DDAH1: variants seen among roughly 807,000 people sequenced by gnomAD.
The protein encoded by DDAH1 is N(G),N(G)-dimethylarginine dimethylaminohydrolase 1.
DDAH1 carries 19 observed loss-of-function variants against 28.8 expected under a neutral mutation model. The ratio of observed to expected loss-of-function variants is 0.66; its 90% CI spans 0.46 to 0.97. The LOEUF (loss-of-function observed/expected upper bound fraction) is 0.97, where lower values mean the gene tolerates loss of function less well. Ranked by LOEUF, DDAH1 falls within the 50% of genes least tolerant of loss-of-function variation. The pLI is 0.00. For synonymous variants in DDAH1, 153 were observed against 154.4 expected, an observed-to-expected ratio of 0.99 and a Z score of 0.07; for missense variants, 326 against 375.9, an observed-to-expected ratio of 0.87 and a Z score of 1.10.
chr1:85,420,401 T>A (rs1037934487), intron 1 of DDAH1, among the ~76,000 whole-genome samples: 1 of 152,204 alleles, frequency 6.6e-6, no homozygotes, highest in Non-Finnish European at 1.5e-5. Flanking sequence ...AAGTCATTTA[T>A]TTGCTCCTGC....
At chr1:85,452,838 CCAA>C (rs541356902) in intron 1 of DDAH1, among the ~76,000 whole-genome samples, 4 of 152,158 alleles carry the variant, frequency 2.6e-5, no homozygotes, top group Non-Finnish European at 4.4e-5. Context: ...TTAAAGCAAA[CCAA>C]CAACAACAAA....
chr1:85,565,197 G>A lies in DDAH1; in HGVS notation c.-123+12787C>T, dbSNP rs571245113. On this transcript the variant is annotated intron_variant, in intron 1 of 6. Transcript: ENST00000426972. ...AGCCTAGGCAATGGAACGAGACTCCGTTAAAAAAAAAATGCATAAAGAAGA... is the reference window on the plus strand; with the variant it reads ...AGCCTAGGCAATGGAACGAGACTCCATTAAAAAAAAAATGCATAAAGAAGA... Among the ~76,000 whole-genome samples, 9 of 129,950 alleles carry A rather than the reference G, an allele frequency of 6.9e-5. No homozygotes were observed. The South Asian group carries it at 2.0e-3, about 29-fold the overall frequency. 85.3% of individuals were successfully genotyped at this position (129,950 alleles called of 152,430 possible).
At chr1:85,359,969 C>T (rs1052501920) in intron 1 of DDAH1, among the ~76,000 whole-genome samples, 1 of 152,130 alleles carries the variant, frequency 6.6e-6, no homozygotes, top group Non-Finnish European at 1.5e-5. Context: ...CAAAGGTCTG[C>T]AAAACCTTTA....
chr1:85,444,397 G>A (rs779930710), intron 1 of DDAH1, among the ~76,000 whole-genome samples: 3 of 152,144 alleles, frequency 2.0e-5, no homozygotes, highest in Non-Finnish European at 4.4e-5. Flanking sequence ...CTTTTTTGAT[G>A]TGCTGCTGGA....
In DDAH1 at chr1:85,350,496, C is replaced by T. The variant is rs1409276967; in HGVS notation, c.516G>A (p.Leu172=). The change falls in exon 4 of 6, where the codon TTG becomes TTA. Residue 172 remains leucine (L), a synonymous_variant. Coordinates refer to ENST00000284031, the MANE Select transcript of DDAH1 (RefSeq NM_012137.4). The stretch of plus-strand genomic sequence containing the variant: ...CCATGCTGCAGAAACTCTTCAAATG[C>T]AACCCATCTGCCACTGGCACTGTGG... The part of the protein sequence containing the change: ...AVSTVPVADG[L]HLKSFCSMAG... 1 of 1,614,154 alleles carries T rather than the reference C, an allele frequency of 6.2e-7. No individual in the cohort carries two copies. Among genetic ancestry groups the T allele is most frequent in the Non-Finnish European group, 8.5e-7 (1 of 1,180,000 alleles).
chr1:85,366,652 ATGAGTAAAGTAT>A (rs1650091050), intron 1 of DDAH1, among the ~76,000 whole-genome samples: 1 of 152,136 alleles, frequency 6.6e-6, no homozygotes, highest in East Asian at 1.9e-4. Flanking sequence ...ATGGTTACTC[ATGAGTAAAGTAT>A]TCTGGTGTTT....
intron 1 of DDAH1, among the ~76,000 whole-genome samples, chr1:85,397,058 T>TC (rs1651850758): frequency 6.6e-6 from 1 of 150,818 alleles, no homozygotes. Flanking sequence ...AAAAGGTTTT[T>TC]CAAAATTGCA....
At chr1:85,475,086 GGGAGCCCTTTGTTCAAA>G (rs1360659067) in intron 2 of DDAH1, among the ~76,000 whole-genome samples, 6 of 152,154 alleles carry the variant, frequency 3.9e-5, no homozygotes, top group Non-Finnish European at 7.3e-5. Flanking sequence ...CTTCTGCTGA[GGGAGCCCTTTGTTCAAA>G]GGAGCCCTTT....
intron 1 of DDAH1, among the ~76,000 whole-genome samples, chr1:85,567,045 T>A (rs779268812): frequency 6.6e-6 from 1 of 152,178 alleles, no homozygotes; most frequent in Non-Finnish European, 1.5e-5. Context: ...AAGAATTACC[T>A]CATACAGAAG....
chr1:85,537,107 G>T (rs1203543573), intron 1 of DDAH1, among the ~76,000 whole-genome samples: 3 of 151,560 alleles, frequency 2.0e-5, no homozygotes, highest in Non-Finnish European at 4.4e-5. Context: ...TTGGGAGGCT[G>T]AGGTGGGCAT....
At chr1:85,574,407 C>CT (rs1659540207) in intron 1 of DDAH1, among the ~76,000 whole-genome samples, 1 of 152,234 alleles carries the variant, frequency 6.6e-6, no homozygotes, top group Non-Finnish European at 1.5e-5. Context: ...ACTGACATCT[C>CT]TTGCCAGTTT....
chr1:85,570,406 AC>A (rs1659420012), intron 1 of DDAH1, among the ~76,000 whole-genome samples: 1 of 139,060 alleles, frequency 7.2e-6, no homozygotes, highest in Admixed American at 7.3e-5. Flanking sequence ...ATCTCAGTGC[AC>A]TTATCTAACA....
intron 1 of DDAH1, among the ~76,000 whole-genome samples, chr1:85,442,343 A>G (rs902260796): frequency 1.3e-5 from 2 of 152,074 alleles, no homozygotes; most frequent in Non-Finnish European, 2.9e-5. Context: ...CCATGTCCCT[A>G]CAAAGGACAT....
intron 4 of DDAH1, among the ~76,000 whole-genome samples, chr1:85,328,563 C>T (rs1029210155): frequency 6.6e-6 from 1 of 152,200 alleles, no homozygotes; most frequent in East Asian, 1.9e-4. Context: ...GATGGCCAGT[C>T]TGCTCATGTT....
At chr1:85,465,683 C>T (rs1047497550), upstream of DDAH1, among the ~76,000 whole-genome samples, 34 of 151,984 alleles carry the variant, frequency 2.2e-4, no homozygotes, top group African/African-American at 7.5e-4. Flanking sequence ...TGTGTGTTCG[C>T]GTGTGTGTGT....
At chr1:85,379,738 C>A in intron 1 of DDAH1, 1 of 981,452 alleles carries the variant, frequency 1.0e-6, no homozygotes, top group Non-Finnish European at 1.2e-6. Context: ...TGCTGGCATC[C>A]TTACTTTCCA....
At chr1:85,481,817 C>A (rs1218492635) in intron 2 of DDAH1, among the ~76,000 whole-genome samples, 2 of 152,218 alleles carry the variant, frequency 1.3e-5, no homozygotes, top group East Asian at 3.8e-4. Flanking sequence ...ACACCTTAGC[C>A]TCCAGAAAGC....
intron 4 of DDAH1, among the ~76,000 whole-genome samples, 157 bp downstream of exon 4, chr1:85,350,258 G>C (rs529520418): frequency 6.6e-6 from 1 of 152,052 alleles, no homozygotes; most frequent in Non-Finnish European, 1.5e-5. Flanking sequence ...GGCTTCTAAT[G>C]AATGTGAGGT....
intron 1 of DDAH1, among the ~76,000 whole-genome samples, chr1:85,565,521 C>T (rs1284707861): frequency 6.6e-6 from 1 of 151,932 alleles, no homozygotes; most frequent in Non-Finnish European, 1.5e-5. Flanking sequence ...TAGATTGACT[C>T]TATGAACTAT....
Sources: gnomAD v4.1 joint callset for allele counts (sites outside exome capture counted in the v4.1 genomes callset) on GRCh38, gnomAD v4.1.1 for gene constraint, MANE v1.5 for transcripts, NCBI Gene and HGNC (gene_info 2026-07-23, HGNC 2026-07-21) for gene names.